The following ERO1B variants were observed in gnomAD, a reference collection of about 807,000 sequenced individuals.
ERO1B encodes the protein endoplasmic reticulum oxidoreductase 1 beta.
A neutral mutation model predicts 75.3 loss-of-function variants in ERO1B; 49 were observed. That is an observed-to-expected ratio of 0.65 (90% CI 0.52 to 0.83). ERO1B has a LOEUF of 0.83. Among genes scored for constraint, ERO1B ranks in the 40% least tolerant of loss-of-function variants. The probability of loss-of-function intolerance (pLI) is 0.00; values close to 1 mark genes in which losing one functional copy is unlikely to be tolerated. For synonymous variants in ERO1B, 191 were observed against 192.9 expected (o/e 0.99, Z 0.08); for missense variants, 512 against 560.1 (o/e 0.91, Z 0.87).
intron 9 of ERO1B, among the ~76,000 whole-genome samples, chr1:236,231,388 T>C (rs1664403448): frequency 6.6e-6 from 1 of 152,098 alleles, no homozygotes; most frequent in Admixed American, 6.6e-5. Context: ...TATTGTATTC[T>C]TGAAAATTGC....
intron 10 of ERO1B, among the ~76,000 whole-genome samples, chr1:236,228,477 A>G (rs1664327725): frequency 6.6e-6 from 1 of 152,228 alleles, no homozygotes; most frequent in Non-Finnish European, 1.5e-5. Context: ...AGCCTTCTCA[A>G]TCTCACTCTG....
intron 1 of ERO1B, among the ~76,000 whole-genome samples, chr1:236,272,416 T>G (rs570108873): frequency 1.3e-5 from 2 of 152,120 alleles, no homozygotes; most frequent in Admixed American, 6.5e-5. Context: ...TGCAGCAACA[T>G]GGATGCAGCT....
intron 2 of ERO1B, among the ~76,000 whole-genome samples, chr1:236,259,029 A>G (rs980160115): frequency 6.6e-6 from 1 of 152,220 alleles, no homozygotes; most frequent in African/African-American, 2.4e-5. Context: ...ACAAAATATT[A>G]AAAATAAATA....
At chr1:236,240,370 AGCTCTTTGC>A (rs1664670801) in intron 6 of ERO1B, among the ~76,000 whole-genome samples, 1 of 152,146 alleles carries the variant, frequency 6.6e-6, no homozygotes, top group African/African-American at 2.4e-5. Flanking sequence ...TTAGTGTGCA[AGCTCTTTGC>A]TACGGTCACA....
At chr1:236,239,789 G>T (rs972772369) in intron 6 of ERO1B, among the ~76,000 whole-genome samples, 1 of 97,530 alleles carries the variant, frequency 1.0e-5, no homozygotes, top group African/African-American at 3.2e-5. Flanking sequence ...TCCTCTTCAA[G>T]TATATATATA....
Position 236,226,731 on chromosome 1 carries a change from GAC to G in ERO1B, c.719_720del (p.Cys240SerfsTer8). ...AGCTTATAGAAGACTCTTTTCTCCA[GAC>G]ACAAACCTATTCAGAAAAATATTGA... ...ESFYTWLEGL[C>X]LEKRVFYKLI... On this transcript the variant is annotated frameshift_variant, in exon 11 of 16. Coordinates refer to ENST00000354619, the MANE Select transcript of ERO1B (RefSeq NM_019891.4). LOFTEE classifies it high-confidence loss of function. The G allele has an allele frequency of 6.2e-7, 1 of 1,606,416 alleles. No individual in the cohort carries two copies. The highest frequency in any genetic ancestry group is 2.2e-5 in the East Asian group (1 of 44,700).
intron 1 of ERO1B, 103 bp downstream of exon 1, chr1:236,281,578 TG>T: frequency 4.3e-6 from 1 of 233,800 alleles, no homozygotes; most frequent in Non-Finnish European, 6.3e-6. Flanking sequence ...ACCTCTTTTC[TG>T]GCCCGGCCCT....
intron 5 of ERO1B, 52 bp from the exon 6 acceptor site, chr1:236,243,547 T>C: frequency 8.4e-7 from 1 of 1,189,300 alleles, no homozygotes; most frequent in Non-Finnish European, 1.2e-6. Flanking sequence ...GAGCTGAAAC[T>C]TTTAATACTG....
chr1:236,252,827 TA>T (rs1401904330), intron 3 of ERO1B, among the ~76,000 whole-genome samples: 2 of 152,100 alleles, frequency 1.3e-5, no homozygotes, highest in East Asian at 3.8e-4. Flanking sequence ...ACTGATTAGG[TA>T]AGAAAAGCAG....
intron 2 of ERO1B, among the ~76,000 whole-genome samples, chr1:236,261,432 A>C (rs565736210): frequency 6.6e-6 from 1 of 152,342 alleles, no homozygotes; most frequent in East Asian, 1.9e-4. Context: ...TCTAGTAATA[A>C]ACTGGTGATA....
At position 236,260,191 on chromosome 1, in the gene ERO1B, C is replaced by T. The variant is rs149747469; in HGVS notation, c.223-6686G>A. Among the ~76,000 whole-genome samples, 6 of 151,790 alleles carry T rather than the reference C, an allele frequency of 4.0e-5. No homozygotes were observed. In the East Asian group the frequency reaches 5.8e-4, roughly 15 times the overall value. Reference sequence around the variant, plus strand: ...AAAGAGGAGACATTACAACTGACATCGAAGAAAAAGAGACTACTAATCACG... The same window carrying T: ...AAAGAGGAGACATTACAACTGACATTGAAGAAAAAGAGACTACTAATCACG... On this transcript the variant is annotated intron_variant, in intron 2 of 15. Coordinates refer to ENST00000354619, the MANE Select transcript of ERO1B (RefSeq NM_019891.4).
At chr1:236,256,821 A>C (rs1262326214) in intron 2 of ERO1B, among the ~76,000 whole-genome samples, 3 of 152,196 alleles carry the variant, frequency 2.0e-5, no homozygotes, top group South Asian at 4.1e-4. Flanking sequence ...CTGGGAGTTG[A>C]TGAAGCCCTA....
chr1:236,270,959 C>T (rs1275469027), intron 1 of ERO1B, among the ~76,000 whole-genome samples: 3 of 152,134 alleles, frequency 2.0e-5, no homozygotes, highest in Admixed American at 6.6e-5. Context: ...AGTATTTTGA[C>T]TGTGATGGTG....
At position 236,264,511 on chromosome 1, in the gene ERO1B, T is replaced by C. The variant is rs1401138619; in HGVS notation, c.222+5364A>G. On this transcript the variant is annotated intron_variant, in intron 2 of 15. Transcript: ENST00000354619. ...GTAGGAGGTAAATAATGTGTACACA[T>C]GGGCATAGAATGTGGAGTAATAGTC... 3.3e-5 allele frequency among the ~76,000 whole-genome samples: 5 copies of C among 152,196 alleles called. No homozygotes were observed. In the East Asian group the frequency reaches 9.6e-4, roughly 29 times the overall value.
intron 11 of ERO1B, 54 bp from the exon 12 acceptor site, chr1:236,226,569 T>C (rs1294795945): frequency 6.3e-7 from 1 of 1,592,670 alleles, no homozygotes; most frequent in Non-Finnish European, 8.5e-7. Flanking sequence ...ATTTTTTTTC[T>C]GCTCTAAAGA....
chr1:236,250,608 T>G (rs1664999532), intron 4 of ERO1B, among the ~76,000 whole-genome samples: 4 of 65,198 alleles, frequency 6.1e-5, no homozygotes, highest in Admixed American at 1.8e-4. Context: ...TATATATATA[T>G]ATATATATAT....
chr1:236,225,053 A>C lies in ERO1B; in HGVS notation c.1122+17T>G, dbSNP rs1371753292. The C allele has an allele frequency of 6.2e-7, 1 of 1,612,696 alleles. No homozygotes were observed. The highest frequency in any genetic ancestry group is 1.7e-5 in the Admixed American group (1 of 60,008). ...CAAACTGCTCCCAACCCCGTGTCCC[A>C]ATCGAGAACTTTTTACCTTTAGTGA... On this transcript the variant is annotated intron_variant, in intron 13 of 15. Coordinates refer to ENST00000354619, the MANE Select transcript of ERO1B (RefSeq NM_019891.4).
At chr1:236,228,034 T>C (rs1167083563) in intron 10 of ERO1B, among the ~76,000 whole-genome samples, 1 of 152,198 alleles carries the variant, frequency 6.6e-6, no homozygotes, top group African/African-American at 2.4e-5. Context: ...ATCAGATCTA[T>C]TATCAAGTAA....
At chr1:236,235,703 A>AT in intron 8 of ERO1B, 86 bp downstream of exon 8, 1 of 1,186,534 alleles carries the variant, frequency 8.4e-7, no homozygotes, top group East Asian at 2.4e-5. Flanking sequence ...AAATATAAAA[A>AT]TGAAAGTTTT....
Sources: allele counts gnomAD v4.1 joint callset (sites outside exome capture counted in the v4.1 genomes callset), GRCh38; gene constraint gnomAD v4.1.1; transcripts MANE v1.5; gene names NCBI Gene and HGNC (gene_info 2026-07-23, HGNC 2026-07-21).